The following ZNF717 variants were observed in gnomAD, a reference collection of about 807,000 sequenced individuals.
The protein encoded by ZNF717 is zinc finger protein 717, also known as krueppel-like factor X17.
A neutral mutation model predicts 13.8 loss-of-function variants in ZNF717; 9 were observed. That is an observed-to-expected ratio of 0.65 (90% CI 0.39 to 1.14). The LOEUF (loss-of-function observed/expected upper bound fraction) is 1.14, where lower values mean the gene tolerates loss of function less well. ZNF717 is among the 50% of genes most tolerant of loss of function. ZNF717 has a pLI of 0.01. For synonymous variants in ZNF717, 327 were observed against 364.1 expected (o/e 0.90, Z 1.16); for missense variants, 1,040 against 1,080.7 (o/e 0.96, Z 0.53).
chr3:75,712,572 C>T (rs1440597358), intron 5 of ZNF717, among the ~76,000 whole-genome samples: 2 of 152,166 alleles, frequency 1.3e-5, no homozygotes, highest in Non-Finnish European at 2.9e-5. Flanking sequence ...GTTACTCAGA[C>T]CATTGGTGAC....
Position 75,736,452 on chromosome 3 carries a change from CATGA to C in ZNF717, c.*422_*425del, listed in dbSNP as rs1939219694. 1 of 165,534 alleles carries C rather than the reference CATGA, an allele frequency of 6.0e-6. No individual in the cohort carries two copies. Among genetic ancestry groups the C allele is most frequent in the African/African-American group, 2.4e-5 (1 of 41,788 alleles). 10.3% of individuals were successfully genotyped at this position (165,534 alleles called of 1,614,324 possible). A position where few individuals can be genotyped will look rare whatever the true frequency, so the allele number is the denominator to read the frequency against. On this transcript the variant is annotated 3_prime_UTR_variant, in exon 5 of 5. Transcript: ENST00000652011. Reference sequence around the variant, plus strand: ...GTTATAGGTGCTACTCCAGAGAACACATGAATGATTTTTAAAAAACAAAACAGGC... The same window carrying C: ...GTTATAGGTGCTACTCCAGAGAACACATGATTTTTAAAAAACAAAACAGGC...
In ZNF717 at chr3:75,724,144, T is replaced by TA. The variant is rs1215756632; in HGVS notation, n.545-7604dup. Among the ~76,000 whole-genome samples the TA allele has an allele frequency of 6.0e-3, 907 of 152,112 alleles. 16 individuals are homozygous for TA. The highest frequency in any genetic ancestry group is 0.042 in the Admixed American group (645 of 15,272). On this transcript the variant is annotated intron_variant and non_coding_transcript_variant, in intron 4 of 5. Transcript: ENST00000491507. The stretch of plus-strand genomic sequence containing the variant: ...GGTAGACAGGAGACCCACGTGACCT[T>TA]ACCTATCATTGGAGATGGCTCACAC...
chr3:75,698,141 G>T, intron 6 of ZNF717, among the ~76,000 whole-genome samples: 1 of 147,240 alleles, frequency 6.8e-6, no homozygotes, highest in South Asian at 2.2e-4. Context: ...ATGCTCACAT[G>T]TTCTAGCAAA....
At chr3:75,702,881 G>A (rs1395505996) in intron 6 of ZNF717, among the ~76,000 whole-genome samples, 1 of 152,306 alleles carries the variant, frequency 6.6e-6, no homozygotes. Flanking sequence ...CCAAGAAGAG[G>A]GGTTCATTTA....
chr3:75,757,995 G>A (rs1213518358), intron 2 of ZNF717, among the ~76,000 whole-genome samples: 1 of 150,778 alleles, frequency 6.6e-6, no homozygotes, highest in South Asian at 2.1e-4. Context: ...GGGGATGCCT[G>A]TAATCCGAAA....
intron 5 of ZNF717, among the ~76,000 whole-genome samples, chr3:75,714,080 T>C (rs79062555): frequency 6.6e-6 from 1 of 152,068 alleles, no homozygotes; most frequent in East Asian, 1.9e-4. Context: ...GCATACAGGA[T>C]GGAACATGAA....
intron 5 of ZNF717, among the ~76,000 whole-genome samples, chr3:75,716,137 A>AT (rs142722374): frequency 0.39 from 54,932 of 139,686 alleles, 10,788 homozygotes; most frequent in East Asian, 0.63. Flanking sequence ...TGCCTGGCTA[A>AT]TTTTTTTTTT....
At position 75,773,844 on chromosome 3, in the gene ZNF717, G is replaced by A. The variant is rs1944083653; in HGVS notation, c.57+9462C>T. Among the ~76,000 whole-genome samples, 6 of 152,236 alleles carry A rather than the reference G, an allele frequency of 3.9e-5. No individual in the cohort carries two copies. The South Asian group carries it at 1.2e-3, about 32-fold the overall frequency. ...GCAGGTGGATCACCTGAGGTCAGGA[G>A]TTCAGGGCCAGCCTGACCAACAAGG... On this transcript the variant is annotated intron_variant, in intron 2 of 4. Coordinates refer to ENST00000652011, the MANE Select transcript of ZNF717 (RefSeq NM_001290208.3).
At chr3:75,745,227 C>T (rs1352733814) in intron 2 of ZNF717, among the ~76,000 whole-genome samples, 2 of 150,572 alleles carry the variant, frequency 1.3e-5, no homozygotes, top group Admixed American at 1.3e-4. Context: ...TATGACATTG[C>T]AAGTTTTTGT....
intron 3 of ZNF717, 84 bp from the exon 4 acceptor site, chr3:75,741,452 T>A: frequency 1.5e-6 from 2 of 1,374,540 alleles, no homozygotes; most frequent in Non-Finnish European, 2.0e-6. Flanking sequence ...CTTCAGGGAC[T>A]GTGCAATGAA....
At chr3:75,706,384 T>G (rs540348730), downstream of ZNF717, among the ~76,000 whole-genome samples, 35 of 152,208 alleles carry the variant, frequency 2.3e-4, no homozygotes, top group African/African-American at 8.5e-4. Context: ...GGATCAGATT[T>G]TAGACTTGGA....
downstream of ZNF717, among the ~76,000 whole-genome samples, chr3:75,734,815 A>ATTTTTTTT (rs1469622349): frequency 4.6e-5 from 2 of 43,256 alleles, no homozygotes; most frequent in Non-Finnish European, 4.7e-5. Flanking sequence ...ATATATATAT[A>ATTTTTTTT]TATTTTTTTT....
chr3:75,763,972 T>C (rs935187404), intron 2 of ZNF717, among the ~76,000 whole-genome samples: 2 of 152,206 alleles, frequency 1.3e-5, no homozygotes, highest in Non-Finnish European at 1.5e-5. Context: ...GACCAGAATG[T>C]CCACAGATGG....
At chr3:75,735,495 C>CTTGTAGTCCTAGCTAATTGCATAT (rs1939059824), downstream of ZNF717, among the ~76,000 whole-genome samples, 75 of 145,300 alleles carry the variant, frequency 5.2e-4, no homozygotes, top group African/African-American at 1.9e-3. Context: ...GTGGTGCATA[C>CTTGTAGTCCTAGCTAATTGCATAT]TTGTAGTCCT....
At chr3:75,699,186 T>G (rs1384822503) in intron 6 of ZNF717, among the ~76,000 whole-genome samples, 1 of 152,400 alleles carries the variant, frequency 6.6e-6, no homozygotes, top group African/African-American at 2.4e-5. Flanking sequence ...TAACTTGTTT[T>G]CTATTTTACA....
At chr3:75,747,955 T>A (rs1424216701) in intron 2 of ZNF717, among the ~76,000 whole-genome samples, 105 of 151,956 alleles carry the variant, frequency 6.9e-4, no homozygotes, top group Non-Finnish European at 1.3e-3. Flanking sequence ...GCAAGACTGA[T>A]AAAGAAGAAA....
At chr3:75,770,891 G>T (rs563554659) in intron 2 of ZNF717, among the ~76,000 whole-genome samples, 1 of 152,154 alleles carries the variant, frequency 6.6e-6, no homozygotes, top group Non-Finnish European at 1.5e-5. Flanking sequence ...ACTGCAGGGC[G>T]GGATGAACAG....
intron 2 of ZNF717, among the ~76,000 whole-genome samples, chr3:75,753,118 T>C (rs1942065688): frequency 6.6e-6 from 1 of 151,820 alleles, no homozygotes; most frequent in Admixed American, 6.6e-5. Flanking sequence ...TGAATATCTG[T>C]CCGTTACATA....
downstream of ZNF717, among the ~76,000 whole-genome samples, chr3:75,705,553 G>A (rs9865038): frequency 0.92 from 140,364 of 152,258 alleles, 64,235 homozygotes; most frequent in East Asian, 0.99. Flanking sequence ...GGTGTGCAAC[G>A]CGTTATTAAT....
Sources: allele counts gnomAD v4.1 joint callset (sites outside exome capture counted in the v4.1 genomes callset), GRCh38; gene constraint gnomAD v4.1.1; transcripts MANE v1.5; gene names NCBI Gene and HGNC (gene_info 2026-07-23, HGNC 2026-07-21).